The following CSMD3 variants were observed in gnomAD, a reference collection of about 807,000 sequenced individuals.
CSMD3 encodes CUB and sushi domain-containing protein 3.
In CSMD3, 177 loss-of-function variants were observed where a neutral mutation model predicts 435.2. That is an observed-to-expected ratio of 0.41 (90% CI 0.36 to 0.46). The LOEUF (loss-of-function observed/expected upper bound fraction) is 0.46. CSMD3 is among the 20% of genes least tolerant of loss of function. CSMD3 has a pLI of 0.34. For missense variants in CSMD3, 4,265 were observed against 4,504.6 expected (o/e 0.95, Z 1.52); for synonymous variants, 1,656 against 1,520.5 (o/e 1.09, Z -2.07).
rs373185969 is a variant in CSMD3, at chr8:113,402,939, C to T, written c.178+33738G>A. Among the ~76,000 whole-genome samples, 4 of 151,112 alleles carry T rather than the reference C, an allele frequency of 2.6e-5. No homozygotes were observed. The South Asian group carries it at 8.3e-4, about 31-fold the overall frequency. ...TCAGGGAACATGTTTTGGTTCTGAACATTAAGTTATAAATCAAGTGCACTA... is the reference window on the plus strand; with the variant it reads ...TCAGGGAACATGTTTTGGTTCTGAATATTAAGTTATAAATCAAGTGCACTA... On this transcript the variant is annotated intron_variant, in intron 1 of 70. Transcript: ENST00000297405.
intron 38 of CSMD3, among the ~76,000 whole-genome samples, chr8:112,372,260 AAGTGGG>A (rs1280860122): frequency 3.3e-5 from 5 of 152,186 alleles, no homozygotes; most frequent in Non-Finnish European, 7.3e-5. Flanking sequence ...TAATTTGATT[AAGTGGG>A]GGAATATTAC....
At chr8:112,688,519 A>G (rs1366890938) in intron 14 of CSMD3, among the ~76,000 whole-genome samples, 3 of 152,130 alleles carry the variant, frequency 2.0e-5, no homozygotes, top group South Asian at 4.1e-4. Context: ...CAATTTCTGT[A>G]TAACTCATGT....
intron 10 of CSMD3, among the ~76,000 whole-genome samples, chr8:112,905,667 A>G (rs1475319445): frequency 6.6e-6 from 1 of 151,444 alleles, no homozygotes; most frequent in Non-Finnish European, 1.5e-5. Flanking sequence ...CTATAATGCA[A>G]CTTACTATAT....
intron 13 of CSMD3, among the ~76,000 whole-genome samples, chr8:112,748,389 CATAG>C (rs1015500137): frequency 3.9e-5 from 6 of 152,102 alleles, no homozygotes; most frequent in African/African-American, 1.2e-4. Flanking sequence ...AAGTTTGTTA[CATAG>C]ATAAACAGGT....
intron 27 of CSMD3, among the ~76,000 whole-genome samples, chr8:112,531,612 T>C (rs910613682): frequency 6.6e-6 from 1 of 152,112 alleles, no homozygotes; most frequent in Non-Finnish European, 1.5e-5. Flanking sequence ...AATAAGTACA[T>C]AGAAGTCCAC....
rs555093872 is a variant in CSMD3, at chr8:112,228,883, T to C, written c.10837A>G (p.Met3613Val). 2 of 1,496,118 alleles carry C rather than the reference T, an allele frequency of 1.3e-6. No individual in the cohort carries two copies. The highest frequency in any genetic ancestry group is 1.7e-5 in the Admixed American group (1 of 59,740). The allele number at this position is 1,496,118 out of a possible 1,614,324, so 92.7% of individuals were successfully genotyped here. ...TTTGAAGAATTTGAACCTTCTGACATATTCAGTCCTACAAAATAAAAAATA... is the reference window on the plus strand; with the variant it reads ...TTTGAAGAATTTGAACCTTCTGACACATTCAGTCCTACAAAATAAAAAATA... ...QFGLQRLGLN[M>V]SEGSNSSNQP... Residue 3613 changes from methionine to valine, a missense_variant, in exon 70 of 71, where the codon ATG becomes GTG. Coordinates refer to ENST00000297405, the MANE Select transcript of CSMD3 (RefSeq NM_198123.2).
At chr8:112,934,668 C>T (rs2083221978) in intron 9 of CSMD3, among the ~76,000 whole-genome samples, 2 of 152,012 alleles carry the variant, frequency 1.3e-5, no homozygotes. Context: ...AACATAAATT[C>T]ATAAGTTGCT....
intron 9 of CSMD3, among the ~76,000 whole-genome samples, chr8:112,944,925 G>T (rs2083557888): frequency 6.6e-6 from 1 of 151,534 alleles, no homozygotes; most frequent in African/African-American, 2.4e-5. Flanking sequence ...TAAAGAAAAT[G>T]ATGTTTAACA....
intron 4 of CSMD3, among the ~76,000 whole-genome samples, chr8:113,111,096 G>A (rs573002826): frequency 6.6e-6 from 1 of 152,248 alleles, no homozygotes; most frequent in Admixed American, 6.5e-5. Flanking sequence ...TTCAATGTAT[G>A]AATTTTGGGG....
At chr8:112,347,886 ACTAT>A (rs1201467701) in intron 40 of CSMD3, among the ~76,000 whole-genome samples, 15 of 152,206 alleles carry the variant, frequency 9.9e-5, no homozygotes, top group African/African-American at 3.6e-4. Flanking sequence ...AAAGGCAAGG[ACTAT>A]CTTTTATTTT....
rs749586147 is a variant in CSMD3, at chr8:113,436,822, T to C, written c.33A>G (p.Ala11=). The change falls in exon 1 of 71, where the codon GCA becomes GCG. Residue 11 remains alanine, a synonymous_variant. Transcript: ENST00000297405. The stretch of plus-strand genomic sequence containing the variant: ...CAGGCTCCCAGGGTTTGGATTCCTT[T>C]GCTCGGCTTTCCCCTTTGCGGATCC... MKGIRKGESR[A]KESKPWEPGK... 6.2e-7 allele frequency: 1 copy of C among 1,614,232 alleles called. No individual in the cohort carries two copies. The highest frequency in any genetic ancestry group is 2.2e-5 in the East Asian group (1 of 44,878).
chr8:113,249,561 G>A (rs2093314809), intron 3 of CSMD3, among the ~76,000 whole-genome samples: 1 of 151,932 alleles, frequency 6.6e-6, no homozygotes, highest in Admixed American at 6.6e-5. Context: ...TTTAAATAAG[G>A]TAAATAAATA....
intron 2 of CSMD3, among the ~76,000 whole-genome samples, chr8:113,291,559 TAGA>T (rs2132532416): frequency 2.0e-5 from 3 of 151,926 alleles, no homozygotes; most frequent in East Asian, 3.9e-4. Context: ...GGCTAGTAGA[TAGA>T]CTTTTTAATT....
chr8:112,709,914 A>C (rs867996788), intron 13 of CSMD3, among the ~76,000 whole-genome samples: 3 of 152,026 alleles, frequency 2.0e-5, no homozygotes, highest in African/African-American at 7.2e-5. Context: ...CTTTAGAAAA[A>C]CTGTAATTGT....
At position 113,107,186 on chromosome 8, in the gene CSMD3, C is replaced by T. The variant is rs77648806; in HGVS notation, c.710-8223G>A. Among the ~76,000 whole-genome samples the T allele has an allele frequency of 8.3e-4, 127 of 152,330 alleles. 2 individuals carry two copies. The East Asian group carries it at 0.017, about 20-fold the overall frequency. On this transcript the variant is annotated intron_variant, in intron 4 of 70. Coordinates refer to ENST00000297405, the MANE Select transcript of CSMD3 (RefSeq NM_198123.2). ...ATGCAAGTCGCATCACACTGGGGGC[C>T]TGGCACAGAAGTGGTGGTGGTGGCA...
chr8:113,021,183 A>G (rs1246360236), intron 5 of CSMD3, among the ~76,000 whole-genome samples: 1 of 152,018 alleles, frequency 6.6e-6, no homozygotes, highest in Non-Finnish European at 1.5e-5. Flanking sequence ...TGTTGAGCTG[A>G]CTGACTTTTT....
At chr8:113,069,621 A>G (rs988610613) in intron 5 of CSMD3, among the ~76,000 whole-genome samples, 1 of 152,110 alleles carries the variant, frequency 6.6e-6, no homozygotes, top group African/African-American at 2.4e-5. Context: ...ATGGGATGGT[A>G]TAATTGCTCA....
rs781662440 is a variant in CSMD3 at position 112,281,220 on chromosome 8, C to G, written c.9462G>C (p.Gln3154His). The G allele has an allele frequency of 6.2e-7, 1 of 1,613,344 alleles. No homozygotes were observed. Among genetic ancestry groups the G allele is most frequent in the Non-Finnish European group, 8.5e-7 (1 of 1,179,456 alleles). ...GYILSGPSVR[Q>H]CTANGTWSGT... ...CAGACCATGTTCCATTGGCTGTGCA[C>G]TGTCTAACTGAAGGTCCAGAAAGGA... is the stretch of plus-strand genomic sequence containing the variant. Residue 3154 changes from glutamine (Q) to histidine (H), a missense_variant, in exon 59 of 71, where the codon CAG (glutamine) becomes CAC (histidine). Gln to His is a conservative substitution (Grantham distance 24, BLOSUM62 0). This residue lies in a region of CSMD3 where 3,255 missense variants were observed against 3,380.2 expected (regional missense o/e 0.96). Coordinates refer to ENST00000297405, the MANE Select transcript of CSMD3 (RefSeq NM_198123.2).
intron 27 of CSMD3, among the ~76,000 whole-genome samples, chr8:112,522,179 T>C (rs1329191151): frequency 6.6e-6 from 1 of 151,722 alleles, no homozygotes; most frequent in Non-Finnish European, 1.5e-5. Context: ...TAAAAACAAA[T>C]AACTGTACCC....
Sources: gnomAD v4.1 joint callset for allele counts (sites outside exome capture counted in the v4.1 genomes callset) on GRCh38, gnomAD v4.1.1 for gene constraint, gnomAD v4.1.1 regional missense constraint, MANE v1.5 for transcripts, NCBI Gene and HGNC (gene_info 2026-07-23, HGNC 2026-07-21) for gene names.